The following SREK1 variants were observed in gnomAD, a reference collection of about 807,000 sequenced individuals.
The protein encoded by SREK1 is splicing regulatory glutamic acid and lysine rich protein 1.
In SREK1, 13 loss-of-function variants were observed where a neutral mutation model predicts 66.5. The observed-to-expected ratio is 0.20, with a 90% CI of 0.13 to 0.31. SREK1 has a LOEUF of 0.31. Among genes scored for constraint, SREK1 ranks in the 10% least tolerant of loss-of-function variants. The pLI is 1.00. For missense variants in SREK1, 607 were observed against 769.6 expected, an observed-to-expected ratio of 0.79 and a Z score of 2.50; for synonymous variants, 265 against 263.5, an observed-to-expected ratio of 1.01 and a Z score of -0.05.
chr5:66,157,615 T>C (rs1250352493), intron 2 of SREK1: 5 of 967,158 alleles, frequency 5.2e-6, no homozygotes, highest in African/African-American at 1.8e-5. Flanking sequence ...CTAATACATA[T>C]AAAGCAGATT....
At chr5:66,162,081 CTG>C in intron 3 of SREK1, 26 bp from the exon 4 acceptor site, 1 of 1,602,724 alleles carries the variant, frequency 6.2e-7, no homozygotes, top group Non-Finnish European at 8.5e-7. Context: ...AATATGTGTT[CTG>C]TGTGTTTTTT....
At chr5:66,147,459 A>T (rs1227253477) in intron 1 of SREK1, among the ~76,000 whole-genome samples, 3 of 152,126 alleles carry the variant, frequency 2.0e-5, no homozygotes, top group African/African-American at 7.2e-5. Context: ...TACCTATATA[A>T]CCAGCACACA....
chr5:66,154,320 A>G (rs1197394239), intron 2 of SREK1, among the ~76,000 whole-genome samples: 1 of 152,230 alleles, frequency 6.6e-6, no homozygotes, highest in Non-Finnish European at 1.5e-5. Context: ...CTGTTTACAG[A>G]GCCACTCACG....
chr5:66,165,025 C>G, intron 7 of SREK1, 128 bp downstream of exon 7: 1 of 805,506 alleles, frequency 1.2e-6, no homozygotes, highest in Non-Finnish European at 1.9e-6. Context: ...AGTGTGGTTA[C>G]CTTTAAATAT....
rs1561488507 is a variant in SREK1 at position 66,144,528 on chromosome 5, A to G, written c.152A>G (p.Tyr51Cys). The G allele has an allele frequency of 8.4e-6, 13 of 1,551,484 alleles. No individual in the cohort carries two copies. Among genetic ancestry groups the G allele is most frequent in the Admixed American group, 2.0e-5 (1 of 51,160 alleles). The change falls in exon 1 of 12, where the codon TAC becomes TGC. Residue 51 changes from tyrosine (Y) to cysteine (C), a missense_variant. Tyr to Cys is a radical substitution (Grantham distance 194, BLOSUM62 -2). Around this residue, in one of 5 missense-constraint regions of SREK1, gnomAD observed 75 missense variants for 72.9 expected, o/e 1.03. Transcript: ENST00000334121. The part of the protein sequence containing the change: ...FLGEIEELRL[Y>C]PPDNAPLAFS... ...GGAGAAATCGAGGAGCTGCGGCTCT[A>G]CCCCCCGGAGTAAGTGCTGGAGCTC...
chr5:66,178,697 A>C, intron 11 of SREK1, 22 bp from the exon 12 acceptor site: 1 of 1,557,530 alleles, frequency 6.4e-7, no homozygotes, highest in Non-Finnish European at 8.7e-7. Context: ...TATTAAATGC[A>C]TACCTTAATT....
rs143986043 is a variant in SREK1, at chr5:66,163,463, A to G, written c.756-329A>G. ...GTAAGATCTTTTGATTTGAAAATAG[A>G]AATGATTCATTTTCATATTGGTATC... On this transcript the variant is annotated intron_variant, in intron 5 of 11. Coordinates refer to ENST00000334121, the MANE Select transcript of SREK1 (RefSeq NM_001077199.3). 705 of 199,858 alleles carry G rather than the reference A, an allele frequency of 3.5e-3. 8 individuals carry two copies. The highest frequency in any genetic ancestry group is 0.016 in the African/African-American group (676 of 42,376). The allele number at this position is 199,858 out of a possible 1,614,324, so 12.4% of individuals were successfully genotyped here.
intron 1 of SREK1, among the ~76,000 whole-genome samples, chr5:66,148,932 C>CT (rs1743509708): frequency 6.6e-6 from 1 of 152,146 alleles, no homozygotes; most frequent in Non-Finnish European, 1.5e-5. Context: ...GCTTGCTACT[C>CT]TAATAATTTT....
At chr5:66,159,663 A>T (rs1744573292) in intron 3 of SREK1, among the ~76,000 whole-genome samples, 1 of 152,214 alleles carries the variant, frequency 6.6e-6, no homozygotes, top group Non-Finnish European at 1.5e-5. Flanking sequence ...GATTAAATCC[A>T]TTTAAAATAC....
intron 1 of SREK1, among the ~76,000 whole-genome samples, chr5:66,146,790 ATTATT>A (rs998379314): frequency 7.9e-4 from 120 of 152,352 alleles, no homozygotes; most frequent in African/African-American, 2.7e-3. Context: ...TGTCACATAA[ATTATT>A]TTATGACATC....
chr5:66,177,161 C>T (rs558637235), intron 10 of SREK1, among the ~76,000 whole-genome samples: 10 of 152,170 alleles, frequency 6.6e-5, no homozygotes, highest in South Asian at 4.1e-4. Flanking sequence ...TTTCTCTTTG[C>T]GAAATGAGGC....
intron 1 of SREK1, among the ~76,000 whole-genome samples, chr5:66,152,918 G>GT (rs1022321196): frequency 3.9e-5 from 6 of 151,992 alleles, no homozygotes; most frequent in African/African-American, 1.4e-4. Context: ...TATAAAATAT[G>GT]TAAGATTTTG....
At chr5:66,175,148 A>C in intron 10 of SREK1, 107 bp downstream of exon 10, 1 of 833,700 alleles carries the variant, frequency 1.2e-6, no homozygotes, top group Non-Finnish European at 1.8e-6. Context: ...TGAATGAATA[A>C]TACATATGCA....
intron 10 of SREK1, among the ~76,000 whole-genome samples, chr5:66,175,622 G>C (rs946988364): frequency 6.6e-6 from 1 of 152,124 alleles, no homozygotes; most frequent in African/African-American, 2.4e-5. Context: ...TGTTAAGTTA[G>C]ATAATAAGCA....
intron 1 of SREK1, among the ~76,000 whole-genome samples, chr5:66,151,728 G>GACTT (rs1743833789): frequency 2.0e-5 from 3 of 150,920 alleles, no homozygotes; most frequent in Admixed American, 2.0e-4. Context: ...AAGTTGCTTT[G>GACTT]ACTTAGGTGT....
Position 66,177,553 on chromosome 5 carries a change from C to A in SREK1, c.1620C>A (p.Asp540Glu). The A allele has an allele frequency of 1.2e-6, 2 of 1,605,824 alleles. No homozygotes were observed. Among genetic ancestry groups the A allele is most frequent in the South Asian group, 1.1e-5 (1 of 90,178 alleles). ...ATAAAAAGAGAGAAAAAGAAAGGGACCACATCAGTGAAAGAAGAGAGAGAG... is the reference window on the plus strand; with the variant it reads ...ATAAAAAGAGAGAAAAAGAAAGGGAACACATCAGTGAAAGAAGAGAGAGAG... ...KKDKKREKER[D>E]HISERRERER... is the part of the protein sequence containing the mutation. Residue 540 changes from aspartate to glutamate, a missense_variant, in exon 11 of 12, where the codon GAC becomes GAA. Asp to Glu is a conservative substitution (Grantham distance 45). Coordinates refer to ENST00000334121, the MANE Select transcript of SREK1 (RefSeq NM_001077199.3).
chr5:66,177,134 T>C (rs1746118212), intron 10 of SREK1, among the ~76,000 whole-genome samples: 1 of 152,176 alleles, frequency 6.6e-6, no homozygotes, highest in Non-Finnish European at 1.5e-5. Flanking sequence ...ACCAATCATT[T>C]GATTGTCTTT....
intron 2 of SREK1, among the ~76,000 whole-genome samples, chr5:66,155,463 C>T (rs1249988568): frequency 6.6e-6 from 1 of 152,092 alleles, no homozygotes; most frequent in Non-Finnish European, 1.5e-5. Flanking sequence ...ACTGATTATG[C>T]ACTACAAGCA....
intron 7 of SREK1, 175 bp downstream of exon 7, chr5:66,165,072 T>C: frequency 1.9e-6 from 1 of 530,784 alleles, no homozygotes; most frequent in Admixed American, 3.6e-5. Context: ...GAATGAAATT[T>C]TGTCTAATGA....
Sources: gnomAD v4.1 joint callset for allele counts (sites outside exome capture counted in the v4.1 genomes callset) on GRCh38, gnomAD v4.1.1 for gene constraint, gnomAD v4.1.1 regional missense constraint, MANE v1.5 for transcripts, NCBI Gene and HGNC (gene_info 2026-07-23, HGNC 2026-07-21) for gene names.